Variants in FAM151B observed in about 807,000 individuals in gnomAD.
The protein encoded by FAM151B is protein FAM151B.
In FAM151B, 24 loss-of-function variants were observed where a neutral mutation model predicts 31.2. The observed-to-expected ratio is 0.77, with a 90% confidence interval of 0.56 to 1.08. The LOEUF (loss-of-function observed/expected upper bound fraction) is 1.08. Among genes scored for constraint, FAM151B ranks in the 50% least tolerant of loss-of-function variants. The pLI is 0.00. For missense variants in FAM151B, 293 were observed against 328.6 expected (o/e 0.89, Z 0.84); for synonymous variants, 105 against 111.4 (o/e 0.94, Z 0.36).
At chr5:80,501,683 T>C in intron 1 of FAM151B, 109 bp from the exon 2 acceptor site, 1 of 687,064 alleles carries the variant, frequency 1.5e-6, no homozygotes, top group South Asian at 2.2e-5. Flanking sequence ...TATATATATA[T>C]ATCACATAAC....
At chr5:80,490,988 G>A (rs964321812) in intron 1 of FAM151B, among the ~76,000 whole-genome samples, 5 of 152,134 alleles carry the variant, frequency 3.3e-5, no homozygotes, top group African/African-American at 4.8e-5. Context: ...CCAGGGGTCA[G>A]CAAATAGCAA....
intron 5 of FAM151B, among the ~76,000 whole-genome samples, chr5:80,535,389 C>A (rs1745446673): frequency 6.6e-6 from 1 of 152,102 alleles, no homozygotes. Flanking sequence ...ATTGTACTGG[C>A]ATAAAAACAG....
intron 5 of FAM151B, among the ~76,000 whole-genome samples, chr5:80,531,646 A>G (rs1377475740): frequency 6.6e-6 from 1 of 152,214 alleles, no homozygotes; most frequent in East Asian, 1.9e-4. Flanking sequence ...AATGCTCATC[A>G]TCACTGGCCA....
chr5:80,494,456 T>TTTCTTTTC (rs753640131), intron 1 of FAM151B, among the ~76,000 whole-genome samples: 8 of 82,748 alleles, frequency 9.7e-5, no homozygotes, highest in Admixed American at 3.9e-4. Flanking sequence ...TCTTTCTTTC[T>TTTCTTTTC]TTTCTTTCTT....
At chr5:80,497,367 A>T (rs1447688311) in intron 1 of FAM151B, among the ~76,000 whole-genome samples, 1 of 151,186 alleles carries the variant, frequency 6.6e-6, no homozygotes, top group Non-Finnish European at 1.5e-5. Flanking sequence ...GTGAGCTGAG[A>T]TCATGCCCCT....
At chr5:80,507,850 T>C (rs1744030370) in intron 2 of FAM151B, among the ~76,000 whole-genome samples, 1 of 152,202 alleles carries the variant, frequency 6.6e-6, no homozygotes, top group Non-Finnish European at 1.5e-5. Context: ...CTCACAGCAG[T>C]GCCTTGCATG....
In FAM151B at chr5:80,490,019, T is replaced by TAAACAC. The variant is rs1554055218; in HGVS notation, c.25+1872_25+1873insAACACA. On this transcript the variant is annotated intron_variant, in intron 1 of 5. Transcript: ENST00000282226. ...TCCGTTATATGTCATTTTTCCCCCT[T>TAAACAC]ACACACACACACACACACACACACA... 1.8e-3 allele frequency among the ~76,000 whole-genome samples: 255 copies of TAAACAC among 144,700 alleles called. 4 individuals are homozygous for TAAACAC. Among genetic ancestry groups the TAAACAC allele is most frequent in the African/African-American group, 6.5e-3 (253 of 38,942 alleles). The allele number at this position is 144,700 out of a possible 152,430, so 94.9% of individuals were successfully genotyped here.
At position 80,494,476 on chromosome 5, in the gene FAM151B, C is replaced by CTTTCTTTCTTTA. The variant is rs1561359250; in HGVS notation, c.25+6339_25+6340insATTTCTTTCTTT. 1.5e-3 allele frequency among the ~76,000 whole-genome samples: 191 copies of CTTTCTTTCTTTA among 126,640 alleles called. 1 individual carries two copies. The highest frequency in any genetic ancestry group is 5.7e-3 in the African/African-American group (188 of 32,848). The allele number at this position is 126,640 out of a possible 152,430, so 83.1% of individuals were successfully genotyped here. ...CTTTCTTTTCTTTCTTTCTTTCTTT[C>CTTTCTTTCTTTA]TTTCTTTCTTTCTTTCTTTCTTTCT... On this transcript the variant is annotated intron_variant, in intron 1 of 5. Coordinates refer to ENST00000282226, the MANE Select transcript of FAM151B (RefSeq NM_205548.3).
At position 80,514,498 on chromosome 5, in the gene FAM151B, A is replaced by AATG. The variant is rs1416271282; in HGVS notation, c.317+731_317+732insGAT. On this transcript the variant is annotated intron_variant, in intron 3 of 5. Coordinates refer to ENST00000282226, the MANE Select transcript of FAM151B (RefSeq NM_205548.3). The stretch of plus-strand genomic sequence containing the variant: ...CTCAAATAATAATAATAATAATAAT[A>AATG]ATAATAATAATAATAATAATAATAT... 1.2e-4 allele frequency among the ~76,000 whole-genome samples: 18 copies of AATG among 148,096 alleles called. No homozygotes were observed. The South Asian group carries it at 3.8e-3, about 31-fold the overall frequency.
chr5:80,496,137 A>G (rs1055456819), intron 1 of FAM151B, among the ~76,000 whole-genome samples: 5 of 152,216 alleles, frequency 3.3e-5, no homozygotes, highest in African/African-American at 4.8e-5. Context: ...GTAAAATGCT[A>G]TCAAACAGCA....
chr5:80,508,432 A>G (rs930157371), intron 2 of FAM151B, among the ~76,000 whole-genome samples: 12 of 150,276 alleles, frequency 8.0e-5, no homozygotes, highest in African/African-American at 3.0e-4. Context: ...CTTTGCCAAC[A>G]CTTGTTATTG....
intron 5 of FAM151B, among the ~76,000 whole-genome samples, chr5:80,536,102 T>A (rs1008518581): frequency 2.5e-4 from 38 of 152,214 alleles, no homozygotes; most frequent in African/African-American, 8.7e-4. Flanking sequence ...AGCAAGGATG[T>A]GGAGAAAAGG....
chr5:80,514,476 AAATAATAATAAT>A lies in FAM151B; in HGVS notation c.317+742_317+753del, dbSNP rs139355800. On this transcript the variant is annotated intron_variant, in intron 3 of 5. Transcript: ENST00000282226. ...GGCTACAAGAGTGAAACTCCCTCTC[AAATAATAATAAT>A]AATAATAATAATAATAATAATAATA... is the stretch of plus-strand genomic sequence containing the variant. Among the ~76,000 whole-genome samples, 716 of 139,334 alleles carry A rather than the reference AAATAATAATAAT, an allele frequency of 5.1e-3. 2 individuals carry two copies. Among genetic ancestry groups the A allele is most frequent in the Non-Finnish European group, 8.4e-3 (540 of 64,570 alleles). 91.4% of individuals were successfully genotyped at this position (139,334 alleles called of 152,430 possible).
intron 5 of FAM151B, among the ~76,000 whole-genome samples, chr5:80,527,808 C>T (rs1197803316): frequency 6.6e-6 from 1 of 152,066 alleles, no homozygotes; most frequent in Non-Finnish European, 1.5e-5. Flanking sequence ...AAACTGTGTA[C>T]TTAGACCATA....
chr5:80,532,369 T>C (rs947106596), intron 5 of FAM151B, among the ~76,000 whole-genome samples: 7 of 150,868 alleles, frequency 4.6e-5, no homozygotes, highest in Admixed American at 4.6e-4. Context: ...AAAAGTATAA[T>C]AAAAAAAAAT....
In FAM151B at chr5:80,541,706, T is replaced by A; in HGVS notation, c.705T>A (p.Asp235Glu). Reference protein sequence around the residue: ...YSLTIWTGKNDNYSVEDLLYI... With the variant: ...YSLTIWTGKNENYSVEDLLYI... ...TGACTATTTGGACTGGAAAAAATGA[T>A]AACTATTCCGTTGAAGATTTACTTT... is the stretch of plus-strand genomic sequence containing the variant. The change falls in exon 6 of 6, where the codon GAT becomes GAA. Residue 235 changes from aspartate to glutamate, a missense_variant. Asp to Glu is a conservative substitution (Grantham distance 45). Transcript: ENST00000282226. The A allele has an allele frequency of 1.9e-6, 3 of 1,613,692 alleles. No homozygotes were observed. The highest frequency in any genetic ancestry group is 2.5e-6 in the Non-Finnish European group (3 of 1,179,772).
rs1743634030 is a variant in FAM151B, at chr5:80,498,651, C to G, written c.26-3141C>G. 7 of 699,890 alleles carry G rather than the reference C, an allele frequency of 1.0e-5. No individual in the cohort carries two copies. The Admixed American group carries it at 1.3e-4, about 13-fold the overall frequency. 43.4% of individuals were successfully genotyped at this position (699,890 alleles called of 1,614,324 possible). Reference sequence around the variant, plus strand: ...TGAATGGCACTCTCGACAAAGGTGTCTAATTTTGCCATTCTCTTCCACCTT... The same window carrying G: ...TGAATGGCACTCTCGACAAAGGTGTGTAATTTTGCCATTCTCTTCCACCTT... On this transcript the variant is annotated intron_variant, in intron 1 of 5. Coordinates refer to ENST00000282226, the MANE Select transcript of FAM151B (RefSeq NM_205548.3).
chr5:80,490,723 A>G (rs1269744277), intron 1 of FAM151B, among the ~76,000 whole-genome samples: 1 of 152,196 alleles, frequency 6.6e-6, no homozygotes, highest in Non-Finnish European at 1.5e-5. Flanking sequence ...AGATTCATCC[A>G]TCTTGTAGCA....
At chr5:80,513,475 A>T in intron 2 of FAM151B, 129 bp from the exon 3 acceptor site, 1 of 817,866 alleles carries the variant, frequency 1.2e-6, no homozygotes, top group Non-Finnish European at 1.9e-6. Context: ...GGCATGGGAT[A>T]ATCGCTCACT....
Sources: allele counts gnomAD v4.1 joint callset (sites outside exome capture counted in the v4.1 genomes callset), GRCh38; gene constraint gnomAD v4.1.1; transcripts MANE v1.5; gene names NCBI Gene and HGNC (gene_info 2026-07-23, HGNC 2026-07-21).